SLC7A13: variants seen among roughly 807,000 people sequenced by gnomAD.
SLC7A13 encodes the protein X-amino acid transporter 2.
SLC7A13 carries 31 observed loss-of-function variants against 32.0 expected under a neutral mutation model. That is an observed-to-expected ratio of 0.97 (90% CI 0.73 to 1.31). The LOEUF (loss-of-function observed/expected upper bound fraction) is 1.31, where lower values mean the gene tolerates loss of function less well. Ranked by LOEUF, SLC7A13 falls within the 50% of genes most tolerant of loss-of-function variation. The probability of loss-of-function intolerance (pLI) is 0.00; values close to 1 mark genes in which losing one functional copy is unlikely to be tolerated. For synonymous variants in SLC7A13, 232 were observed against 206.9 expected (o/e 1.12, Z -1.04); for missense variants, 633 against 546.9 (o/e 1.16, Z -1.57).
At chr8:86,224,038 T>C (rs1297621812) in intron 1 of SLC7A13, among the ~76,000 whole-genome samples, 2 of 152,074 alleles carry the variant, frequency 1.3e-5, no homozygotes, top group Non-Finnish European at 2.9e-5. Flanking sequence ...GGGAATACAA[T>C]GGTGAGCAGA....
rs6987889 is a variant in SLC7A13, at chr8:86,225,975, A to G, written c.686-2872T>C. Among the ~76,000 whole-genome samples the G allele has an allele frequency of 5.5e-3, 833 of 152,210 alleles. 11 individuals are homozygous for G. The highest frequency in any genetic ancestry group is 0.019 in the African/African-American group (795 of 41,490). On this transcript the variant is annotated intron_variant, in intron 1 of 3. Coordinates refer to ENST00000297524, the MANE Select transcript of SLC7A13 (RefSeq NM_138817.3). Reference sequence around the variant, plus strand: ...CTACACCTTGCAAAGTCGCCTGTCTACAAGTCACTATTTTGCAGGTAAAAG... The same window carrying G: ...CTACACCTTGCAAAGTCGCCTGTCTGCAAGTCACTATTTTGCAGGTAAAAG...
At chr8:86,219,708 G>A (rs1330125049) in intron 2 of SLC7A13, among the ~76,000 whole-genome samples, 1 of 152,134 alleles carries the variant, frequency 6.6e-6, no homozygotes, top group African/African-American at 2.4e-5. Flanking sequence ...ACATTTGCAT[G>A]CATCTAATTC....
rs148729888 is a variant in SLC7A13 at position 86,229,614 on chromosome 8, C to G, written c.664G>C (p.Ala222Pro). The G allele has an allele frequency of 5.0e-6, 8 of 1,613,524 alleles. No homozygotes were observed. The highest frequency in any genetic ancestry group is 6.8e-6 in the Non-Finnish European group (8 of 1,179,834). Reference sequence around the variant, plus strand: ...TTACCTGCTATAAGTGTAAAGCATGCCCCGCCTGAATATGCAAAATATCCT... The same window carrying G: ...TTACCTGCTATAAGTGTAAAGCATGGCCCGCCTGAATATGCAAAATATCCT... Reference protein sequence around the residue: ...FQGYFAYSGGACFTLIAGELK... With the variant: ...FQGYFAYSGGPCFTLIAGELK... The change falls in exon 1 of 4, where the codon GCA becomes CCA. Residue 222 changes from alanine to proline, a missense_variant. Ala to Pro is a conservative substitution (Grantham distance 27). Transcript: ENST00000297524.
rs562849040 is a variant in SLC7A13, at chr8:86,217,615, G to T, written c.1034C>A (p.Thr345Asn). Reference protein sequence around the residue: ...SPFTAVLLLVTLGSLAIILTS... With the variant: ...SPFTAVLLLVNLGSLAIILTS... Reference sequence around the variant, plus strand: ...TAAGATAATTGCAAGGGATCCCAAAGTGACAAGTAGTAGCACAGCTGTAAA... The same window carrying T: ...TAAGATAATTGCAAGGGATCCCAAATTGACAAGTAGTAGCACAGCTGTAAA... The change falls in exon 3 of 4, where the codon ACT becomes AAT. Residue 345 changes from threonine (T) to asparagine (N), a missense_variant. By Grantham distance (65) the Thr-to-Asn change is moderately conservative (BLOSUM62 0). Transcript: ENST00000297524. The T allele has an allele frequency of 4.3e-6, 7 of 1,613,378 alleles. No individual in the cohort carries two copies. In the African/African-American group the frequency reaches 8.0e-5, roughly 18 times the overall value.
intron 1 of SLC7A13, among the ~76,000 whole-genome samples, chr8:86,224,609 A>G (rs1486504878): frequency 6.6e-6 from 1 of 152,122 alleles, no homozygotes; most frequent in Non-Finnish European, 1.5e-5. Context: ...TCATCACACC[A>G]TTTCCCCAAA....
rs981836782 is a variant in SLC7A13 at position 86,229,927 on chromosome 8, C to A, written c.351G>T (p.Glu117Asp). ...TGGGAAAAAAAGGCTGGATGCTGTA[C>A]TCAGCAAGGAGCAGAGCTTGGCCAG... ...VVAGQALLLA[E>D]YSIQPFFPSC... The change falls in exon 1 of 4, where the codon GAG becomes GAT. Residue 117 changes from glutamate to aspartate, a missense_variant. Coordinates refer to ENST00000297524, the MANE Select transcript of SLC7A13 (RefSeq NM_138817.3). 1 of 1,614,084 alleles carries A rather than the reference C, an allele frequency of 6.2e-7. No individual in the cohort carries two copies. Among genetic ancestry groups the A allele is most frequent in the African/African-American group, 1.3e-5 (1 of 74,942 alleles).
rs770533576 is a variant in SLC7A13, at chr8:86,214,362, GAT to G, written c.*49_*50del. The stretch of plus-strand genomic sequence containing the variant: ...TATGTTTAACCTTGATTTGGAATCT[GAT>G]ATATGTTTTTTAGAAGGCCAATTTT... On this transcript the variant is annotated 3_prime_UTR_variant, in exon 4 of 4. Transcript: ENST00000297524. The G allele has an allele frequency of 4.0e-6, 4 of 1,010,772 alleles. No homozygotes were observed. The highest frequency in any genetic ancestry group is 4.9e-5 in the East Asian group (2 of 40,722). The allele number at this position is 1,010,772 out of a possible 1,614,324, so 62.6% of individuals were successfully genotyped here.
chr8:86,216,860 C>T (rs1350003947), intron 3 of SLC7A13, among the ~76,000 whole-genome samples: 4 of 152,100 alleles, frequency 2.6e-5, no homozygotes, highest in African/African-American at 7.2e-5. Flanking sequence ...ACCTAGGCAA[C>T]TAAGATTATT....
intron 2 of SLC7A13, among the ~76,000 whole-genome samples, chr8:86,222,488 T>C (rs1395539083): frequency 1.3e-5 from 2 of 152,208 alleles, no homozygotes; most frequent in South Asian, 2.1e-4. Context: ...ATTTTAGAGT[T>C]GTTCATGGTA....
At chr8:86,229,519 C>A in intron 1 of SLC7A13, 74 bp downstream of exon 1, 1 of 1,285,110 alleles carries the variant, frequency 7.8e-7, no homozygotes, top group Non-Finnish European at 1.1e-6. Flanking sequence ...ACTCAAAATA[C>A]AACAAATGAT....
rs189014397 is a variant in SLC7A13 at position 86,221,492 on chromosome 8, T to C, written c.817+1480A>G. Among the ~76,000 whole-genome samples, 327 of 152,218 alleles carry C rather than the reference T, an allele frequency of 2.1e-3. 2 individuals carry two copies. Among genetic ancestry groups the C allele is most frequent in the African/African-American group, 7.7e-3 (320 of 41,526 alleles). Reference sequence around the variant, plus strand: ...AATTTTTTTTTATTATACTTTAAGTTTTAGGGTACATGTGCACATTGTGCA... The same window carrying C: ...AATTTTTTTTTATTATACTTTAAGTCTTAGGGTACATGTGCACATTGTGCA... On this transcript the variant is annotated intron_variant, in intron 2 of 3. Coordinates refer to ENST00000297524, the MANE Select transcript of SLC7A13 (RefSeq NM_138817.3).
At chr8:86,223,933 A>G (rs1253139209) in intron 1 of SLC7A13, among the ~76,000 whole-genome samples, 3 of 152,144 alleles carry the variant, frequency 2.0e-5, no homozygotes, top group Admixed American at 6.5e-5. Context: ...TTAAGAATGA[A>G]AAATGAAATC....
rs139298091 is a variant in SLC7A13, at chr8:86,223,221, A to T, written c.686-118T>A. The T allele has an allele frequency of 1.0e-3, 1,026 of 1,000,806 alleles. 2 individuals are homozygous for T. Among genetic ancestry groups the T allele is most frequent in the Middle Eastern group, 1.6e-3 (5 of 3,092 alleles). The allele number at this position is 1,000,806 out of a possible 1,614,324, so 62.0% of individuals were successfully genotyped here. Reference sequence around the variant, plus strand: ...AATGGGGTACAAGCATGATTTTATTATGTGGATAGGTTGTGTGGTGGTCAA... The same window carrying T: ...AATGGGGTACAAGCATGATTTTATTTTGTGGATAGGTTGTGTGGTGGTCAA... On this transcript the variant is annotated intron_variant, in intron 1 of 3. Coordinates refer to ENST00000297524, the MANE Select transcript of SLC7A13 (RefSeq NM_138817.3).
intron 1 of SLC7A13, 94 bp downstream of exon 1, chr8:86,229,499 A>G (rs1820444765): frequency 5.2e-6 from 6 of 1,159,972 alleles, no homozygotes; most frequent in African/African-American, 1.6e-5. Context: ...GAAACATTAA[A>G]TCATTTAAGA....
At chr8:86,222,921 C>T (rs2976190) in intron 2 of SLC7A13, 51 bp downstream of exon 2, 590,189 of 1,473,840 alleles carry the variant, frequency 0.4, 122,848 homozygotes, top group African/African-American at 0.56. Flanking sequence ...ATGATAGTTA[C>T]GTTGAAAGGA....
chr8:86,229,612 T>C lies in SLC7A13; in HGVS notation c.666A>G (p.Ala222=). 6.2e-7 allele frequency: 1 copy of C among 1,613,774 alleles called. No individual in the cohort carries two copies. The highest frequency in any genetic ancestry group is 8.5e-7 in the Non-Finnish European group (1 of 1,179,920). The part of the protein sequence containing the change: ...FQGYFAYSGG[A]CFTLIAGELK... Reference sequence around the variant, plus strand: ...TGTTACCTGCTATAAGTGTAAAGCATGCCCCGCCTGAATATGCAAAATATC... The same window carrying C: ...TGTTACCTGCTATAAGTGTAAAGCACGCCCCGCCTGAATATGCAAAATATC... The change falls in exon 1 of 4, where the codon GCA becomes GCG. Residue 222 remains alanine (A), a synonymous_variant. Transcript: ENST00000297524.
At chr8:86,216,819 G>A (rs1378758892) in intron 3 of SLC7A13, among the ~76,000 whole-genome samples, 2 of 152,114 alleles carry the variant, frequency 1.3e-5, no homozygotes, top group Non-Finnish European at 2.9e-5. Context: ...AGGATTAAAG[G>A]TGATCATCCA....
chr8:86,223,215 T>G, intron 1 of SLC7A13, 112 bp from the exon 2 acceptor site: 1 of 1,062,028 alleles, frequency 9.4e-7, no homozygotes, highest in Non-Finnish European at 1.3e-6. Context: ...CAAGCATGAT[T>G]TTATTATGTG....
chr8:86,222,778 G>T (rs1031113626), intron 2 of SLC7A13, among the ~76,000 whole-genome samples, 194 bp downstream of exon 2: 1 of 152,074 alleles, frequency 6.6e-6, no homozygotes, highest in African/African-American at 2.4e-5. Context: ...ATTAGAAAAG[G>T]CATAACCATG....
Sources: allele counts gnomAD v4.1 joint callset (sites outside exome capture counted in the v4.1 genomes callset), GRCh38; gene constraint gnomAD v4.1.1; transcripts MANE v1.5; gene names NCBI Gene and HGNC (gene_info 2026-07-23, HGNC 2026-07-21).